The following DNM1L variants were observed in gnomAD, a reference collection of about 807,000 sequenced individuals.
DNM1L encodes dynamin-1-like protein.
DNM1L carries 33 observed loss-of-function variants against 92.8 expected under a neutral mutation model. The observed-to-expected ratio is 0.36, with a 90% CI of 0.27 to 0.48. The LOEUF (loss-of-function observed/expected upper bound fraction) is 0.48, where lower values mean the gene tolerates loss of function less well. DNM1L is among the 20% of genes least tolerant of loss of function. The pLI is 0.99. For synonymous variants in DNM1L, 284 were observed against 305.0 expected (o/e 0.93, Z 0.72); for missense variants, 485 against 888.8 (o/e 0.55, Z 5.78).
chr12:32,695,174 A>G lies in DNM1L; in HGVS notation c.103-6241A>G, dbSNP rs544833820. On this transcript the variant is annotated intron_variant, in intron 1 of 19. Coordinates refer to ENST00000549701, the MANE Select transcript of DNM1L (RefSeq NM_012062.5). The stretch of plus-strand genomic sequence containing the variant: ...AAGAAACTATATTTTTGAATACTAT[A>G]TGAAAACAACAAGAGGGATTTTTAG... Among the ~76,000 whole-genome samples, 461 of 152,352 alleles carry G rather than the reference A, an allele frequency of 3.0e-3. 4 individuals carry two copies. Among genetic ancestry groups the G allele is most frequent in the Admixed American group, 5.8e-3 (88 of 15,300 alleles).
chr12:32,704,152 T>C (rs1228354518), intron 2 of DNM1L, among the ~76,000 whole-genome samples: 1 of 152,142 alleles, frequency 6.6e-6, no homozygotes, highest in Non-Finnish European at 1.5e-5. Context: ...ATGATACTTC[T>C]GAACAGTGTC....
chr12:32,695,980 CAT>C (rs1406790157), intron 1 of DNM1L, among the ~76,000 whole-genome samples: 6 of 152,192 alleles, frequency 3.9e-5, no homozygotes, highest in Non-Finnish European at 7.4e-5. Context: ...GAAAATCCAA[CAT>C]ATGTATATTA....
intron 1 of DNM1L, among the ~76,000 whole-genome samples, chr12:32,697,421 A>G (rs1014318371): frequency 6.6e-6 from 1 of 152,172 alleles, no homozygotes; most frequent in African/African-American, 2.4e-5. Flanking sequence ...TGATCTGTAA[A>G]GGGGTGGGAA....
At position 32,708,162 on chromosome 12, in the gene DNM1L, G is replaced by C; in HGVS notation, c.307G>C (p.Asp103His). The C allele has an allele frequency of 6.3e-7, 1 of 1,599,978 alleles. No individual in the cohort carries two copies. Among genetic ancestry groups the C allele is most frequent in the Non-Finnish European group, 8.6e-7 (1 of 1,168,384 alleles). Residue 103 changes from aspartate (D) to histidine (H), a missense_variant, in exon 4 of 20, where the codon GAT becomes CAT. Asp to His is a moderately conservative substitution (Grantham distance 81). Coordinates refer to ENST00000549701, the MANE Select transcript of DNM1L (RefSeq NM_012062.5). ...FLHTKNKLYT[D>H]FDEIRQEIEN... ...TTTCAAAAATTTTTAGCTTTACACGGATTTTGATGAAATTCGACAAGAAAT... is the reference window on the plus strand; with the variant it reads ...TTTCAAAAATTTTTAGCTTTACACGCATTTTGATGAAATTCGACAAGAAAT...
chr12:32,720,874 T>C, intron 8 of DNM1L, 79 bp downstream of exon 8: 1 of 1,542,778 alleles, frequency 6.5e-7, no homozygotes, highest in Non-Finnish European at 8.9e-7. Flanking sequence ...TTCAGTTCCT[T>C]ACATTTTCAT....
chr12:32,721,221 G>T (rs190832335), intron 8 of DNM1L, among the ~76,000 whole-genome samples: 2 of 152,280 alleles, frequency 1.3e-5, no homozygotes, highest in Non-Finnish European at 2.9e-5. Flanking sequence ...ATTCACTGTA[G>T]AAATAACTAT....
chr12:32,730,584 G>A (rs1363546304), intron 9 of DNM1L, among the ~76,000 whole-genome samples: 1 of 152,060 alleles, frequency 6.6e-6, no homozygotes, highest in East Asian at 1.9e-4. Flanking sequence ...GAGTTGAGTA[G>A]TTGCAGCAGA....
chr12:32,726,482 T>A, intron 9 of DNM1L: 3 of 1,093,816 alleles, frequency 2.7e-6, no homozygotes, highest in Non-Finnish European at 2.8e-6. Flanking sequence ...CTTCTTCACC[T>A]TCTTCATCAT....
intron 6 of DNM1L, among the ~76,000 whole-genome samples, chr12:32,717,959 G>T (rs887249799): frequency 7.1e-5 from 7 of 98,632 alleles, no homozygotes; most frequent in African/African-American, 1.4e-4. Context: ...AGTATATATA[G>T]TATATATATT....
intron 2 of DNM1L, chr12:32,706,845 G>A: frequency 2.8e-6 from 1 of 363,418 alleles, no homozygotes; most frequent in Non-Finnish European, 5.3e-6. Flanking sequence ...TTTTTAAAAA[G>A]AACTGAAGAA....
intron 18 of DNM1L, among the ~76,000 whole-genome samples, chr12:32,742,143 T>C (rs575792356): frequency 6.6e-5 from 10 of 152,202 alleles, no homozygotes; most frequent in African/African-American, 2.2e-4. Context: ...CTCACTCTGT[T>C]GCCCAGGCTG....
At chr12:32,683,347 C>T (rs537940923) in intron 1 of DNM1L, among the ~76,000 whole-genome samples, 19 of 152,002 alleles carry the variant, frequency 1.2e-4, no homozygotes, top group South Asian at 1.0e-3. Flanking sequence ...GCCTCAGCCT[C>T]CTGAGTAGCT....
intron 1 of DNM1L, among the ~76,000 whole-genome samples, chr12:32,699,151 G>A (rs1700348149): frequency 6.6e-6 from 1 of 152,102 alleles, no homozygotes; most frequent in African/African-American, 2.4e-5. Context: ...CTCTCAAATG[G>A]GACAGCAAAA....
chr12:32,713,042 G>T (rs1027793150), intron 5 of DNM1L, among the ~76,000 whole-genome samples, 167 bp from the exon 6 acceptor site: 2 of 152,154 alleles, frequency 1.3e-5, no homozygotes, highest in South Asian at 4.1e-4. Context: ...TTTGAGACTT[G>T]ACACATTACC....
chr12:32,737,915 C>G lies in DNM1L; in HGVS notation c.1647C>G (p.Pro549=), dbSNP rs141224536. 2.3e-5 allele frequency: 37 copies of G among 1,613,980 alleles called. No individual in the cohort carries two copies. The highest frequency in any genetic ancestry group is 2.8e-5 in the Non-Finnish European group (33 of 1,180,000). ...ALAPASQEPS[P]AASAEADGKL... ...CACCTGCCTCCCAGGAGCCCTCCCC[C>G]GCTGCTTCTGCTGAGGCTGATGGCA... The change falls in exon 15 of 20, where the codon CCC becomes CCG. Residue 549 remains proline, a synonymous_variant. Coordinates refer to ENST00000549701, the MANE Select transcript of DNM1L (RefSeq NM_012062.5).
intron 1 of DNM1L, 179 bp downstream of exon 1, chr12:32,679,644 G>A: frequency 7.6e-7 from 1 of 1,322,894 alleles, no homozygotes; most frequent in Non-Finnish European, 9.6e-7. Context: ...CGCCCTCCCG[G>A]GGCAGCGTTG....
chr12:32,714,666 A>C (rs1297390172), intron 6 of DNM1L, among the ~76,000 whole-genome samples: 1 of 152,098 alleles, frequency 6.6e-6, no homozygotes, highest in Non-Finnish European at 1.5e-5. Flanking sequence ...AACTATATCA[A>C]AGAGTTTATT....
intron 6 of DNM1L, among the ~76,000 whole-genome samples, chr12:32,718,006 A>ATGTATAGTATATATAATG (rs1300295956): frequency 8.6e-6 from 1 of 116,892 alleles, no homozygotes; most frequent in Non-Finnish European, 1.6e-5. Context: ...TATATATAAT[A>ATGTATAGTATATATAATG]TATATAGTAT....
At chr12:32,741,921 T>A (rs974631345) in intron 18 of DNM1L, among the ~76,000 whole-genome samples, 20 of 152,190 alleles carry the variant, frequency 1.3e-4, no homozygotes, top group Admixed American at 2.6e-4. Flanking sequence ...TCTCAAAGCA[T>A]ATCCGTGTCA....
Sources: gnomAD v4.1 joint callset for allele counts (sites outside exome capture counted in the v4.1 genomes callset) on GRCh38, gnomAD v4.1.1 for gene constraint, MANE v1.5 for transcripts, NCBI Gene and HGNC (gene_info 2026-07-23, HGNC 2026-07-21) for gene names.